HPSE2: variants seen among roughly 807,000 people sequenced by gnomAD.
HPSE2 encodes heparanase 2 (inactive).
In HPSE2, 38 loss-of-function variants were observed where a neutral mutation model predicts 60.5. That is an observed-to-expected ratio of 0.63 (90% confidence interval 0.48 to 0.82). The LOEUF (loss-of-function observed/expected upper bound fraction) is 0.82, where lower values mean the gene tolerates loss of function less well. HPSE2 is among the 40% of genes least tolerant of loss of function. The probability of loss-of-function intolerance (pLI) is 0.00; values close to 1 mark genes in which losing one functional copy is unlikely to be tolerated. For synonymous variants in HPSE2, 295 were observed against 293.2 expected, an observed-to-expected ratio of 1.01 and a Z score of -0.06; for missense variants, 713 against 740.4, an observed-to-expected ratio of 0.96 and a Z score of 0.43.
chr10:98,739,687 A>C (rs1949447778), intron 4 of HPSE2, among the ~76,000 whole-genome samples: 4 of 152,198 alleles, frequency 2.6e-5, no homozygotes, highest in Admixed American at 2.6e-4. Context: ...TTATAAAAGA[A>C]TAACATGTGA....
rs148490578 is a variant in HPSE2 at position 98,869,058 on chromosome 10, T to C, written c.611-125002A>G. 7.6e-4 allele frequency among the ~76,000 whole-genome samples: 116 copies of C among 152,246 alleles called. 1 individual carries two copies. Among genetic ancestry groups the C allele is most frequent in the African/African-American group, 2.7e-3 (112 of 41,568 alleles). On this transcript the variant is annotated intron_variant, in intron 3 of 11. Coordinates refer to ENST00000370552, the MANE Select transcript of HPSE2 (RefSeq NM_021828.5). Reference sequence around the variant, plus strand: ...GTGTGCATGTGAGTATGTGTATGTGTGCGCACGCGTGTGTGTTTTCGAGTC... The same window carrying C: ...GTGTGCATGTGAGTATGTGTATGTGCGCGCACGCGTGTGTGTTTTCGAGTC...
chr10:98,647,561 A>C (rs1052488672), intron 6 of HPSE2, among the ~76,000 whole-genome samples: 13 of 152,140 alleles, frequency 8.5e-5, no homozygotes, highest in Non-Finnish European at 1.5e-5. Flanking sequence ...TCCCTACTGA[A>C]GGGGGAGAAG....
chr10:99,154,555 G>C (rs1488771826), intron 2 of HPSE2, among the ~76,000 whole-genome samples: 2 of 150,578 alleles, frequency 1.3e-5, no homozygotes, highest in East Asian at 1.9e-4. Flanking sequence ...CAAATGCTGA[G>C]AGATTTTGTC....
intron 3 of HPSE2, among the ~76,000 whole-genome samples, chr10:98,913,044 C>T (rs986644329): frequency 1.3e-5 from 2 of 151,838 alleles, no homozygotes; most frequent in African/African-American, 4.8e-5. Flanking sequence ...TCATGTACCC[C>T]ATAAATATAT....
intron 3 of HPSE2, among the ~76,000 whole-genome samples, chr10:98,941,460 C>T (rs11189895): frequency 1.4e-5 from 2 of 139,690 alleles, no homozygotes; most frequent in Non-Finnish European, 3.0e-5. Flanking sequence ...GCCAAATCAT[C>T]AGTGAACTCC....
chr10:99,169,742 G>C lies in HPSE2; in HGVS notation c.449-25343C>G, dbSNP rs553868407. 5.3e-5 allele frequency among the ~76,000 whole-genome samples: 8 copies of C among 152,052 alleles called. No individual in the cohort carries two copies. In the South Asian group the frequency reaches 1.7e-3, roughly 32 times the overall value. On this transcript the variant is annotated intron_variant, in intron 2 of 11. Coordinates refer to ENST00000370552, the MANE Select transcript of HPSE2 (RefSeq NM_021828.5). ...TGGCCTTACCAACCAGATACCAGTA[G>C]CATCCCCAGTCTCTTGGGGGAAAAG...
chr10:99,083,542 A>C (rs1293009991), intron 3 of HPSE2, among the ~76,000 whole-genome samples: 1 of 152,198 alleles, frequency 6.6e-6, no homozygotes. Flanking sequence ...TTACCTTTAG[A>C]TAGCATTTCA....
rs185358468 is a variant in HPSE2, at chr10:99,035,149, A to G, written c.610+109089T>C. ...TAGCTTTCTTTAACGTTTTTACTTT[A>G]TAAACTTTTACATTTTTCTAACTTT... On this transcript the variant is annotated intron_variant, in intron 3 of 11. Transcript: ENST00000370552. 4.1e-4 allele frequency among the ~76,000 whole-genome samples: 63 copies of G among 152,354 alleles called. No individual in the cohort carries two copies. The East Asian group carries it at 9.8e-3, about 24-fold the overall frequency.
At chr10:99,059,546 G>C (rs1958186658) in intron 3 of HPSE2, among the ~76,000 whole-genome samples, 1 of 151,970 alleles carries the variant, frequency 6.6e-6, no homozygotes, top group Non-Finnish European at 1.5e-5. Context: ...ATTAATAAAG[G>C]CTAATACAGG....
chr10:99,239,273 T>C (rs1402880756), upstream of HPSE2, among the ~76,000 whole-genome samples: 1 of 152,188 alleles, frequency 6.6e-6, no homozygotes, highest in Non-Finnish European at 1.5e-5. Context: ...ATGGTCTTCA[T>C]AGATAAATTG....
At chr10:98,837,608 C>T (rs1355735085) in intron 3 of HPSE2, among the ~76,000 whole-genome samples, 1 of 152,214 alleles carries the variant, frequency 6.6e-6, no homozygotes, top group Non-Finnish European at 1.5e-5. Flanking sequence ...GGCGTGGTGG[C>T]TCACGCCTGT....
At chr10:99,035,412 T>C (rs1457161816) in intron 3 of HPSE2, among the ~76,000 whole-genome samples, 1 of 152,202 alleles carries the variant, frequency 6.6e-6, no homozygotes, top group East Asian at 1.9e-4. Context: ...CAATAATGCA[T>C]GGAGCTGTCA....
At chr10:98,779,424 G>A (rs1056859903) in intron 3 of HPSE2, among the ~76,000 whole-genome samples, 1 of 152,108 alleles carries the variant, frequency 6.6e-6, no homozygotes, top group Non-Finnish European at 1.5e-5. Context: ...CTCACTCAAT[G>A]TGAGCAGTGG....
At chr10:98,992,065 C>T (rs1326613382) in intron 3 of HPSE2, among the ~76,000 whole-genome samples, 1 of 152,110 alleles carries the variant, frequency 6.6e-6, no homozygotes, top group African/African-American at 2.4e-5. Context: ...CTTGTCTTTC[C>T]AATCAAATTT....
intron 3 of HPSE2, among the ~76,000 whole-genome samples, chr10:98,936,556 C>T (rs772649194): frequency 1.4e-5 from 2 of 143,598 alleles, no homozygotes; most frequent in African/African-American, 2.8e-5. Context: ...CAACTCCGTG[C>T]ACTTCCCAGG....
intron 3 of HPSE2, among the ~76,000 whole-genome samples, chr10:99,142,926 A>T (rs2135774602): frequency 6.6e-6 from 1 of 152,022 alleles, no homozygotes; most frequent in East Asian, 1.9e-4. Context: ...TTTCATTTCC[A>T]CTCACTGAAT....
At chr10:99,070,782 T>G (rs1842763046) in intron 3 of HPSE2, among the ~76,000 whole-genome samples, 1 of 152,214 alleles carries the variant, frequency 6.6e-6, no homozygotes. Flanking sequence ...GACTGGTTTA[T>G]TTGACTTAGC....
At chr10:99,011,090 T>C (rs1957002575) in intron 3 of HPSE2, among the ~76,000 whole-genome samples, 1 of 152,166 alleles carries the variant, frequency 6.6e-6, no homozygotes, top group African/African-American at 2.4e-5. Flanking sequence ...TAGTTCCCAT[T>C]TGTAAATGAG....
intron 3 of HPSE2, among the ~76,000 whole-genome samples, chr10:98,795,230 C>T (rs1950753417): frequency 6.6e-6 from 1 of 152,218 alleles, no homozygotes; most frequent in African/African-American, 2.4e-5. Context: ...TGAATAATCA[C>T]ACTACCTGGT....
Sources: gnomAD v4.1 joint callset for allele counts (sites outside exome capture counted in the v4.1 genomes callset) on GRCh38, gnomAD v4.1.1 for gene constraint, MANE v1.5 for transcripts, NCBI Gene and HGNC (gene_info 2026-07-23, HGNC 2026-07-21) for gene names.